APP: variants seen among roughly 807,000 people sequenced by gnomAD.
APP encodes amyloid-beta precursor protein.
In APP, 31 loss-of-function variants were observed where a neutral mutation model predicts 101.4. The ratio of observed to expected loss-of-function variants is 0.31; its 90% CI spans 0.23 to 0.41. The LOEUF (loss-of-function observed/expected upper bound fraction) is 0.41, where lower values mean the gene tolerates loss of function less well. APP is among the 10% of genes least tolerant of loss of function. The pLI, the probability that APP is intolerant of heterozygous loss-of-function variation, is 1.00. For missense variants in APP, 839 were observed against 1,003.7 expected (o/e 0.84, Z 2.22); for synonymous variants, 366 against 364.4 (o/e 1.00, Z -0.05).
rs553907531 is a variant in APP, at chr21:26,079,219, T to C, written c.355+10724A>G. Reference sequence around the variant, plus strand: ...CTTGAGAAAGATGCTCAGAAGCGGCTAGAGTAGAAAAAGAACTTTGAAGAA... The same window carrying C: ...CTTGAGAAAGATGCTCAGAAGCGGCCAGAGTAGAAAAAGAACTTTGAAGAA... On this transcript the variant is annotated intron_variant, in intron 3 of 17. Transcript: ENST00000346798. Among the ~76,000 whole-genome samples, 7 of 152,246 alleles carry C rather than the reference T, an allele frequency of 4.6e-5. No individual in the cohort carries two copies. In the South Asian group the frequency reaches 1.5e-3, roughly 32 times the overall value.
chr21:26,125,674 G>A (rs1000007183), intron 1 of APP, among the ~76,000 whole-genome samples: 22 of 152,006 alleles, frequency 1.4e-4, no homozygotes, highest in Non-Finnish European at 2.2e-4. Flanking sequence ...TTGTCCTGAC[G>A]GGGGTGGGGG....
At chr21:26,041,150 G>C (rs1443365502) in intron 5 of APP, among the ~76,000 whole-genome samples, 2 of 152,180 alleles carry the variant, frequency 1.3e-5, no homozygotes, top group African/African-American at 2.4e-5. Context: ...CTTGTGGTAA[G>C]TTACTGGTAC....
intron 16 of APP, among the ~76,000 whole-genome samples, chr21:25,892,646 G>C (rs955055010): frequency 6.6e-6 from 1 of 152,062 alleles, no homozygotes; most frequent in Admixed American, 6.5e-5. Context: ...CTTTATTCTT[G>C]CTCTTTATTT....
chr21:26,012,111 G>A (rs982247140), intron 6 of APP, among the ~76,000 whole-genome samples: 1 of 150,156 alleles, frequency 6.7e-6, no homozygotes, highest in South Asian at 2.1e-4. Flanking sequence ...GGGCTCCAGC[G>A]ACCCTCCCAC....
intron 3 of APP, among the ~76,000 whole-genome samples, chr21:26,070,812 A>G (rs2061397205): frequency 6.6e-6 from 1 of 152,216 alleles, no homozygotes; most frequent in Non-Finnish European, 1.5e-5. Context: ...GCCTTCCTCA[A>G]TAATGTAAGT....
chr21:25,946,032 A>C, intron 13 of APP: 1 of 378,484 alleles, frequency 2.6e-6, no homozygotes, highest in South Asian at 1.9e-5. Flanking sequence ...ATTTATATGC[A>C]AAAGAATAAA....
At chr21:25,909,059 C>G (rs978614526) in intron 14 of APP, among the ~76,000 whole-genome samples, 1 of 151,940 alleles carries the variant, frequency 6.6e-6, no homozygotes, top group African/African-American at 2.4e-5. Context: ...GTCAGGAGAT[C>G]GAGACCATCC....
At chr21:26,002,551 C>A (rs527519844) in intron 6 of APP, among the ~76,000 whole-genome samples, 16 of 152,328 alleles carry the variant, frequency 1.1e-4, no homozygotes, top group South Asian at 8.3e-4. Flanking sequence ...CAACAATACC[C>A]ATTATTAATC....
At chr21:26,054,941 T>G (rs1184030849) in intron 3 of APP, among the ~76,000 whole-genome samples, 1 of 152,166 alleles carries the variant, frequency 6.6e-6, no homozygotes, top group Admixed American at 6.5e-5. Context: ...GGGTTTAAAC[T>G]TTAGTCTGTT....
chr21:25,934,861 G>A (rs1194891797), intron 13 of APP: 1 of 152,188 alleles, frequency 6.6e-6, no homozygotes, highest in African/African-American at 2.4e-5. Flanking sequence ...TTTTCCCTCT[G>A]AACACCCGTG....
intron 1 of APP, among the ~76,000 whole-genome samples, chr21:26,135,040 A>G (rs548094506): frequency 3.9e-5 from 6 of 152,188 alleles, no homozygotes; most frequent in African/African-American, 7.2e-5. Flanking sequence ...TCAAATCTCT[A>G]TATCTATACA....
chr21:25,965,009 G>A (rs183600007), intron 11 of APP, among the ~76,000 whole-genome samples: 3 of 152,298 alleles, frequency 2.0e-5, no homozygotes, highest in African/African-American at 7.2e-5. Context: ...ATTAGTGAAG[G>A]CAGCATATAG....
chr21:25,925,545 T>C (rs2039853121), intron 13 of APP, among the ~76,000 whole-genome samples: 1 of 152,122 alleles, frequency 6.6e-6, no homozygotes, highest in South Asian at 2.1e-4. Context: ...CATGTTACCA[T>C]CTGAGAAGAC....
intron 3 of APP, among the ~76,000 whole-genome samples, chr21:26,075,043 T>C (rs1019494166): frequency 1.3e-5 from 2 of 152,220 alleles, no homozygotes; most frequent in African/African-American, 4.8e-5. Context: ...GTAAATGATT[T>C]TGCCATAATC....
At chr21:26,021,290 C>T (rs938601263) in intron 6 of APP, among the ~76,000 whole-genome samples, 18 of 152,182 alleles carry the variant, frequency 1.2e-4, no homozygotes, top group African/African-American at 3.1e-4. Context: ...TCAGGTGATC[C>T]GCCTGCCTCG....
At chr21:26,106,010 G>A (rs575516094) in intron 2 of APP, among the ~76,000 whole-genome samples, 12 of 152,208 alleles carry the variant, frequency 7.9e-5, no homozygotes, top group African/African-American at 2.4e-4. Flanking sequence ...CTGCAGATAC[G>A]GTGGTGGCTC....
chr21:25,918,751 T>C (rs964872427), intron 13 of APP, among the ~76,000 whole-genome samples: 1 of 150,658 alleles, frequency 6.6e-6, no homozygotes, highest in African/African-American at 2.4e-5. Flanking sequence ...ATCGCGCTGA[T>C]TGCTAGCACA....
chr21:26,040,116 T>A (rs1310770364), intron 5 of APP, among the ~76,000 whole-genome samples: 1 of 152,198 alleles, frequency 6.6e-6, no homozygotes, highest in Non-Finnish European at 1.5e-5. Flanking sequence ...AAGGCAATTT[T>A]ATACAACATT....
chr21:25,952,585 A>G (rs926775347), intron 13 of APP, among the ~76,000 whole-genome samples: 11 of 152,180 alleles, frequency 7.2e-5, no homozygotes, highest in Non-Finnish European at 2.9e-5. Flanking sequence ...AAAAAGTTCT[A>G]ATAATTTAAT....
Sources: allele counts gnomAD v4.1 joint callset (sites outside exome capture counted in the v4.1 genomes callset), GRCh38; gene constraint gnomAD v4.1.1; transcripts MANE v1.5; gene names NCBI Gene and HGNC (gene_info 2026-07-23, HGNC 2026-07-21).